TCOF1: variants seen among roughly 807,000 people sequenced by gnomAD.
TCOF1 encodes the protein treacle protein.
TCOF1 carries 33 observed loss-of-function variants against 149.0 expected under a neutral mutation model. The ratio of observed to expected loss-of-function variants is 0.22; its 90% CI spans 0.17 to 0.30. TCOF1 has a LOEUF of 0.30. Among genes scored for constraint, TCOF1 ranks in the 10% least tolerant of loss-of-function variants. The probability of loss-of-function intolerance (pLI) is 1.00; values close to 1 mark genes in which losing one functional copy is unlikely to be tolerated. For missense variants in TCOF1, 1,728 were observed against 1,840.7 expected (o/e 0.94, Z 1.12); for synonymous variants, 789 against 738.8 (o/e 1.07, Z -1.10).
intron 6 of TCOF1, among the ~76,000 whole-genome samples, chr5:150,371,320 G>T (rs1762474128): frequency 6.6e-6 from 1 of 152,080 alleles, no homozygotes; most frequent in South Asian, 2.1e-4. Flanking sequence ...CAGCTGTAAG[G>T]ACATCCCTGG....
In TCOF1 at chr5:150,361,159, T is replaced by C; in HGVS notation, c.112T>C (p.Cys38Arg). ...REVKEQSGQK[C>R]FLAQPVTLLD... ...CTTTCTCTTTACCTCTCTGCAGAAG[T>C]GTTTCCTGGCTCAGCCCGTAACCCT... The change falls in exon 2 of 27, where the codon TGT becomes CGT. Residue 38 changes from cysteine (C) to arginine (R), a missense_variant. Physicochemically the swap from Cys to Arg is radical, Grantham distance 180. This residue lies in a region of TCOF1 where 32 missense variants were observed against 75.3 expected (regional missense o/e 0.43). Coordinates refer to ENST00000643257, the MANE Select transcript of TCOF1 (RefSeq NM_001371623.1). 6.2e-7 allele frequency: 1 copy of C among 1,614,168 alleles called. No homozygotes were observed.
At chr5:150,367,139 A>G (rs895951768) in intron 3 of TCOF1, among the ~76,000 whole-genome samples, 1 of 151,956 alleles carries the variant, frequency 6.6e-6, no homozygotes, top group African/African-American at 2.4e-5. Flanking sequence ...CCCCGTCTCT[A>G]TTAAAAATAC....
chr5:150,392,880 G>T (rs1767731837), intron 22 of TCOF1, 90 bp downstream of exon 22: 1 of 1,478,086 alleles, frequency 6.8e-7, no homozygotes, highest in Non-Finnish European at 9.3e-7. Flanking sequence ...CAGGTCAGGG[G>T]TCTGGGTCCC....
intron 17 of TCOF1, among the ~76,000 whole-genome samples, chr5:150,381,572 C>T (rs139815187): frequency 2.6e-4 from 39 of 152,324 alleles, no homozygotes; most frequent in East Asian, 1.9e-3. Flanking sequence ...TCCTGCAGGC[C>T]GTAGGCCCTC....
At chr5:150,384,468 C>G (rs543439600) in intron 17 of TCOF1, 2 of 985,334 alleles carry the variant, frequency 2.0e-6, no homozygotes, top group African/African-American at 3.5e-5. Flanking sequence ...GGTGCTGCCC[C>G]GACACTCTCC....
intron 25 of TCOF1, among the ~76,000 whole-genome samples, chr5:150,398,682 C>A (rs1371356943): frequency 6.6e-6 from 1 of 152,216 alleles, no homozygotes; most frequent in Non-Finnish European, 1.5e-5. Context: ...AGGAGAGACT[C>A]CCCCCAGCAC....
chr5:150,385,206 GTCAAAGACGT>G, intron 17 of TCOF1: 2 of 584,554 alleles, frequency 3.4e-6, no homozygotes, highest in Non-Finnish European at 4.3e-6. Context: ...CTATTAGTTT[GTCAAAGACGT>G]AGGCCCTGCT....
chr5:150,393,612 C>T, intron 23 of TCOF1, 60 bp downstream of exon 23: 1 of 1,606,076 alleles, frequency 6.2e-7, no homozygotes, highest in Non-Finnish European at 8.5e-7. Context: ...CAGTGGGCCC[C>T]TTCTTGCCCT....
At chr5:150,398,600 C>A in intron 25 of TCOF1, 149 bp downstream of exon 25, 1 of 1,275,136 alleles carries the variant, frequency 7.8e-7, no homozygotes, top group Non-Finnish European at 1.1e-6. Flanking sequence ...AAGAGGCTGG[C>A]AGGGCATGTT....
At chr5:150,367,542 AG>A (rs1391575300) in intron 3 of TCOF1, 11 of 409,072 alleles carry the variant, frequency 2.7e-5, no homozygotes, top group Non-Finnish European at 4.6e-5. Flanking sequence ...GTAGGCAGCA[AG>A]AATGTGGGCC....
chr5:150,369,729 G>A lies in TCOF1; in HGVS notation c.639+127G>A, dbSNP rs145089648. 65 of 1,058,662 alleles carry A rather than the reference G, an allele frequency of 6.1e-5. No homozygotes were observed. The African/African-American group carries it at 9.6e-4, about 16-fold the overall frequency. 65.6% of individuals were successfully genotyped at this position (1,058,662 alleles called of 1,614,324 possible). ...AACTGTGGTAGGGTGACCAGGAGCT[G>A]GAAAGGCTGCAGCCGGAGAGGGGCA... is the stretch of plus-strand genomic sequence containing the variant. On this transcript the variant is annotated intron_variant, in intron 6 of 26. Coordinates refer to ENST00000643257, the MANE Select transcript of TCOF1 (RefSeq NM_001371623.1).
chr5:150,365,734 C>G (rs1761193735), intron 3 of TCOF1, among the ~76,000 whole-genome samples: 1 of 151,930 alleles, frequency 6.6e-6, no homozygotes, highest in Non-Finnish European at 1.5e-5. Context: ...GATATGAGGT[C>G]TTGCCATGTT....
intron 17 of TCOF1, chr5:150,384,312 G>C (rs775999090): frequency 1.1e-5 from 11 of 986,884 alleles, no homozygotes; most frequent in Non-Finnish European, 9.6e-6. Context: ...GCCCTATGAG[G>C]GTGGCTCCCT....
At chr5:150,378,042 A>G (rs958872548) in intron 14 of TCOF1, among the ~76,000 whole-genome samples, 3 of 152,056 alleles carry the variant, frequency 2.0e-5, no homozygotes, top group African/African-American at 7.3e-5. Context: ...CCTCTGGAGG[A>G]TTTACGTGCT....
Position 150,389,914 on chromosome 5 carries a change from C to G in TCOF1, c.3074C>G (p.Pro1025Arg), listed in dbSNP as rs1767061041. The G allele has an allele frequency of 6.2e-7, 1 of 1,614,084 alleles. No homozygotes were observed. The highest frequency in any genetic ancestry group is 8.5e-7 in the Non-Finnish European group (1 of 1,180,048). The change falls in exon 19 of 27, where the codon CCC becomes CGC. Residue 1025 changes from proline to arginine, a missense_variant. Physicochemically the swap from Pro to Arg is moderately radical, Grantham distance 103 (BLOSUM62 -2). Around this residue, in one of 2 missense-constraint regions of TCOF1, gnomAD observed 1,696 missense variants for 1,765.4 expected, o/e 0.96. Transcript: ENST00000643257. ...ATCAGAACCAATGTGGTGACCATGC[C>G]CACTGCCCACCCAAGAATAGCCCCC... The part of the protein sequence containing the change: ...PGIRTNVVTM[P>R]TAHPRIAPKA...
intron 17 of TCOF1, among the ~76,000 whole-genome samples, chr5:150,383,358 G>T (rs1409425462): frequency 6.6e-6 from 1 of 152,280 alleles, no homozygotes; most frequent in Admixed American, 6.5e-5. Flanking sequence ...GCAGTACACA[G>T]TTAAACATAC....
intron 19 of TCOF1, among the ~76,000 whole-genome samples, chr5:150,391,139 T>G (rs1767349097): frequency 6.6e-6 from 1 of 151,752 alleles, no homozygotes; most frequent in African/African-American, 2.4e-5. Context: ...GATGAGGAGC[T>G]GGGGGAGAGG....
intron 24 of TCOF1, among the ~76,000 whole-genome samples, chr5:150,398,026 G>A (rs909950931): frequency 6.6e-6 from 1 of 152,216 alleles, no homozygotes; most frequent in Non-Finnish European, 1.5e-5. Flanking sequence ...AAGCTCAAGC[G>A]ATCCTCTTGC....
chr5:150,397,153 CAAAA>C (rs58246300), intron 24 of TCOF1, among the ~76,000 whole-genome samples: 3 of 88,720 alleles, frequency 3.4e-5, no homozygotes, highest in African/African-American at 4.5e-5. Context: ...GCAAGACTGT[CAAAA>C]AAAAAAAAAA....
Sources: allele counts gnomAD v4.1 joint callset (sites outside exome capture counted in the v4.1 genomes callset), GRCh38; gene constraint gnomAD v4.1.1; regional missense constraint gnomAD v4.1.1; transcripts MANE v1.5; gene names NCBI Gene and HGNC (gene_info 2026-07-23, HGNC 2026-07-21).